ST3GAL1: variants seen among roughly 807,000 people sequenced by gnomAD.
ST3GAL1 encodes CMP-N-acetylneuraminate-beta-galactosamide-alpha-2,3-sialyltransferase 1.
Under a neutral mutation model 34.1 loss-of-function variants are expected in ST3GAL1, and 16 were observed. That is an observed-to-expected ratio of 0.47 (90% confidence interval 0.32 to 0.71). The LOEUF (loss-of-function observed/expected upper bound fraction) is 0.71, where lower values mean the gene tolerates loss of function less well. Among genes scored for constraint, ST3GAL1 ranks in the 30% least tolerant of loss-of-function variants. The pLI, the probability that ST3GAL1 is intolerant of heterozygous loss-of-function variation, is 0.04. For synonymous variants in ST3GAL1, 191 were observed against 184.7 expected (o/e 1.03, Z -0.28); for missense variants, 353 against 447.4 (o/e 0.79, Z 1.90).
chr8:133,498,750 G>C (rs551117431), intron 3 of ST3GAL1, among the ~76,000 whole-genome samples: 2 of 152,322 alleles, frequency 1.3e-5, no homozygotes, highest in African/African-American at 4.8e-5. Flanking sequence ...AGCACACGAC[G>C]AGGCACCTGG....
intron 2 of ST3GAL1, among the ~76,000 whole-genome samples, chr8:133,531,244 C>A (rs1818142883): frequency 1.3e-5 from 2 of 151,920 alleles, no homozygotes; most frequent in Admixed American, 1.3e-4. Context: ...ATATACATGA[C>A]TATATAGTAC....
intron 3 of ST3GAL1, among the ~76,000 whole-genome samples, chr8:133,498,788 G>A (rs1346651205): frequency 6.6e-6 from 1 of 152,192 alleles, no homozygotes; most frequent in Non-Finnish European, 1.5e-5. Context: ...CAGGGGTCTG[G>A]TTCCTAGAGC....
At chr8:133,472,255 C>T (rs1325877102) in intron 5 of ST3GAL1, among the ~76,000 whole-genome samples, 2 of 152,150 alleles carry the variant, frequency 1.3e-5, no homozygotes, top group East Asian at 1.9e-4. Flanking sequence ...AGGGCTGGGA[C>T]GAGCTGGAAT....
intron 3 of ST3GAL1, among the ~76,000 whole-genome samples, chr8:133,488,869 G>A (rs942551663): frequency 2.5e-5 from 1 of 39,894 alleles, no homozygotes; most frequent in African/African-American, 1.3e-4. Context: ...CTGGCAGACA[G>A]GGGGGGCCAG....
chr8:133,484,936 C>G (rs1816528852), intron 3 of ST3GAL1, among the ~76,000 whole-genome samples: 1 of 152,186 alleles, frequency 6.6e-6, no homozygotes, highest in African/African-American at 2.4e-5. Context: ...GGAGACTGTT[C>G]AGAAACATTT....
rs1215899178 is a variant in ST3GAL1 at position 133,508,602 on chromosome 8, G to C, written c.-428-9413C>G. On this transcript the variant is annotated intron_variant, in intron 2 of 9. Coordinates refer to ENST00000522652, the MANE Select transcript of ST3GAL1 (RefSeq NM_173344.3). This position sits in a 1 kb window ranked among gnomAD's most constrained non-coding sequence, Gnocchi z 4.1. The stretch of plus-strand genomic sequence containing the variant: ...TAAGGAAGAGACAATCTCAGAAGCA[G>C]GGCACTCGCTCAAATTCAGAGACCT... Among the ~76,000 whole-genome samples, 2 of 152,130 alleles carry C rather than the reference G, an allele frequency of 1.3e-5. No individual in the cohort carries two copies. Among genetic ancestry groups the C allele is most frequent in the African/African-American group, 4.8e-5 (2 of 41,424 alleles).
At chr8:133,519,667 C>T (rs940418158) in intron 2 of ST3GAL1, among the ~76,000 whole-genome samples, 7 of 152,048 alleles carry the variant, frequency 4.6e-5, no homozygotes, top group African/African-American at 1.2e-4. Flanking sequence ...TAAAGGAGGC[C>T]GGGCTCGGGA....
intron 6 of ST3GAL1, 119 bp from the exon 7 acceptor site, chr8:133,465,076 G>A (rs987906988): frequency 1.1e-4 from 110 of 977,216 alleles, no homozygotes; most frequent in African/African-American, 4.4e-4. Flanking sequence ...TGCCTTCCCC[G>A]GGCCTCCTTC....
intron 2 of ST3GAL1, among the ~76,000 whole-genome samples, chr8:133,528,973 AT>A (rs1818062427): frequency 6.6e-6 from 1 of 152,254 alleles, no homozygotes; most frequent in African/African-American, 2.4e-5. Flanking sequence ...AAAAAATGGC[AT>A]TTCTGGTAGA....
At position 133,461,768 on chromosome 8, in the gene ST3GAL1, G is replaced by C; in HGVS notation, c.849+107C>G. On this transcript the variant is annotated intron_variant, in intron 9 of 9. Transcript: ENST00000522652. This position sits in a 1 kb window ranked among gnomAD's most constrained non-coding sequence, Gnocchi z 4.7. ...GTAGAGACAGGGAATCCGAGCTTCC[G>C]GAAGAGGCAGGCTAGGTCTACCTGC... 1 of 1,503,320 alleles carries C rather than the reference G, an allele frequency of 6.7e-7. No individual in the cohort carries two copies. Among genetic ancestry groups the C allele is most frequent in the East Asian group, 2.3e-5 (1 of 43,736 alleles). 93.1% of individuals were successfully genotyped at this position (1,503,320 alleles called of 1,614,324 possible). A position where few individuals can be genotyped will look rare whatever the true frequency, so the allele number is the denominator to read the frequency against.
At chr8:133,554,127 C>A (rs1315712010) in intron 1 of ST3GAL1, among the ~76,000 whole-genome samples, 1 of 152,190 alleles carries the variant, frequency 6.6e-6, no homozygotes, top group East Asian at 1.9e-4. Flanking sequence ...TAGGACCGCT[C>A]CTCATTGTTG....
chr8:133,475,304 G>A (rs548740525), intron 5 of ST3GAL1, among the ~76,000 whole-genome samples: 16 of 152,360 alleles, frequency 1.1e-4, no homozygotes, highest in African/African-American at 3.8e-4. Context: ...AGAGCCTCCA[G>A]GAGGAGCCAA....
chr8:133,464,923 C>T lies in ST3GAL1; in HGVS notation c.538G>A (p.Asp180Asn). The change falls in exon 7 of 10, where the codon GAT becomes AAT. Residue 180 changes from aspartate to asparagine, a missense_variant. Coordinates refer to ENST00000522652, the MANE Select transcript of ST3GAL1 (RefSeq NM_173344.3). ...TGGTGGGTGGTCTTGGTCCCAACAT[C>T]AGCTTCAAACCCTGCCGTGGGCGCC... ...NKAPTAGFEADVGTKTTHHLV... is the reference protein window; with the variant it reads ...NKAPTAGFEANVGTKTTHHLV... 6.2e-7 allele frequency: 1 copy of T among 1,613,932 alleles called. No individual in the cohort carries two copies. Among genetic ancestry groups the T allele is most frequent in the East Asian group, 2.2e-5 (1 of 44,870 alleles).
intron 1 of ST3GAL1, among the ~76,000 whole-genome samples, chr8:133,557,709 G>T (rs183729583): frequency 1.3e-5 from 2 of 152,212 alleles, no homozygotes; most frequent in Non-Finnish European, 2.9e-5. Flanking sequence ...TTAGCCAGGC[G>T]TGGTGGCGCG....
Position 133,461,869 on chromosome 8 carries a change from G to A in ST3GAL1, c.849+6C>T, listed in dbSNP as rs775799258. 3 of 1,613,870 alleles carry A rather than the reference G, an allele frequency of 1.9e-6. No homozygotes were observed. The highest frequency in any genetic ancestry group is 1.1e-5 in the South Asian group (1 of 91,068). ...CAGCCCTGTGGGCAGGGGGAGGGTG[G>A]CATACCTCATCGCAGACATGCATTG... On this transcript the variant is annotated splice_donor_region_variant and intron_variant, in intron 9 of 9. Transcript: ENST00000522652. The surrounding 1 kb of genome is among the most constrained non-coding windows in gnomAD (Gnocchi z 4.7).
At chr8:133,521,314 T>C (rs35157778) in intron 2 of ST3GAL1, among the ~76,000 whole-genome samples, 53,489 of 151,242 alleles carry the variant, frequency 0.35, 9,653 homozygotes, top group Middle Eastern at 0.4. Flanking sequence ...TTGGGGGTTT[T>C]TTGAGACGGA....
At chr8:133,496,606 G>T (rs1816952899) in intron 3 of ST3GAL1, among the ~76,000 whole-genome samples, 1 of 152,168 alleles carries the variant, frequency 6.6e-6, no homozygotes, top group Non-Finnish European at 1.5e-5. Flanking sequence ...CTTGCCCAAG[G>T]TTGTACACTG....
intron 2 of ST3GAL1, among the ~76,000 whole-genome samples, chr8:133,522,795 G>A (rs1365493476): frequency 2.6e-5 from 4 of 152,156 alleles, no homozygotes; most frequent in African/African-American, 7.2e-5. Context: ...AATTACTGTC[G>A]TTATTTTGCC....
intron 1 of ST3GAL1, among the ~76,000 whole-genome samples, chr8:133,555,979 C>A (rs185759307): frequency 9.7e-4 from 147 of 152,254 alleles, no homozygotes; most frequent in African/African-American, 3.5e-3. Context: ...CTGCAACCTC[C>A]GCCTCCCAAG....
Sources: allele counts gnomAD v4.1 joint callset (sites outside exome capture counted in the v4.1 genomes callset), GRCh38; gene constraint gnomAD v4.1.1; non-coding constraint Gnocchi (gnomAD v3.1); transcripts MANE v1.5; gene names NCBI Gene and HGNC (gene_info 2026-07-23, HGNC 2026-07-21).